NLGN1: variants seen among roughly 807,000 people sequenced by gnomAD.
The protein encoded by NLGN1 is neuroligin 1, also known as neuroligin-1.
NLGN1 carries 12 observed loss-of-function variants against 65.5 expected under a neutral mutation model. That is an observed-to-expected ratio of 0.18 (90% CI 0.12 to 0.30). NLGN1 has a LOEUF of 0.30. Among genes scored for constraint, NLGN1 ranks in the 10% least tolerant of loss-of-function variants. The probability of loss-of-function intolerance (pLI) is 1.00; values close to 1 mark genes in which losing one functional copy is unlikely to be tolerated. For synonymous variants in NLGN1, 350 were observed against 359.5 expected, an observed-to-expected ratio of 0.97 and a Z score of 0.30; for missense variants, 750 against 1,007.1, an observed-to-expected ratio of 0.74 and a Z score of 3.46.
At chr3:173,592,515 G>A (rs1052560856) in intron 2 of NLGN1, among the ~76,000 whole-genome samples, 6 of 152,132 alleles carry the variant, frequency 3.9e-5, no homozygotes, top group African/African-American at 1.4e-4. Context: ...CCTACATGAT[G>A]AGAAATTTCC....
At chr3:173,772,700 C>T (rs1779757009) in intron 3 of NLGN1, among the ~76,000 whole-genome samples, 1 of 152,142 alleles carries the variant, frequency 6.6e-6, no homozygotes, top group East Asian at 1.9e-4. Context: ...TCTTCTCCTT[C>T]AACTTGTTAA....
At chr3:174,058,226 A>G (rs534206305) in intron 4 of NLGN1, among the ~76,000 whole-genome samples, 1 of 151,994 alleles carries the variant, frequency 6.6e-6, no homozygotes, top group Non-Finnish European at 1.5e-5. Context: ...GGCAGTTTTT[A>G]TTTTCACAGT....
chr3:173,531,363 T>A (rs577964859), intron 2 of NLGN1, among the ~76,000 whole-genome samples: 6 of 152,244 alleles, frequency 3.9e-5, no homozygotes, highest in South Asian at 4.1e-4. Context: ...TGCAATTTTT[T>A]AAAATTTTAT....
intron 4 of NLGN1, among the ~76,000 whole-genome samples, chr3:173,965,562 C>T (rs1231496469): frequency 1.3e-5 from 2 of 151,738 alleles, no homozygotes; most frequent in Non-Finnish European, 2.9e-5. Context: ...CCCTGATCCA[C>T]CCGCCTCAGC....
chr3:173,781,417 T>C (rs1385749633), intron 3 of NLGN1, among the ~76,000 whole-genome samples: 2 of 152,214 alleles, frequency 1.3e-5, no homozygotes, highest in Admixed American at 6.5e-5. Flanking sequence ...AACATATGCA[T>C]CTACCTAATT....
rs1553875427 is a variant in NLGN1, at chr3:173,523,925, T to TTG, written c.-320-80353_-320-80352insGT. 1.4e-5 allele frequency among the ~76,000 whole-genome samples: 2 copies of TTG among 146,362 alleles called. 1 individual carries two copies. The highest frequency in any genetic ancestry group is 3.0e-5 in the Non-Finnish European group (2 of 65,734). ...TCTCATATAATTTCTTTCTTTCCTT[T>TTG]TTTTTTTTTTTTTGAGACAGAGTCA... On this transcript the variant is annotated intron_variant, in intron 2 of 6. Transcript: ENST00000457714.
At chr3:173,836,881 C>G (rs1381391474) in intron 4 of NLGN1, among the ~76,000 whole-genome samples, 1 of 152,092 alleles carries the variant, frequency 6.6e-6, no homozygotes, top group Admixed American at 6.6e-5. Flanking sequence ...AGGCCATCAA[C>G]AAAATGATAA....
chr3:173,419,020 C>CTTTTTTT lies in NLGN1; in HGVS notation c.-389-15962_-389-15956dup, dbSNP rs59051811. Reference sequence around the variant, plus strand: ...TCTGTTCTTTAGCTTTCTTCTTCTTCTTTTTTTTTTTTTTTTTTTTTTTTT... The same window carrying CTTTTTTT: ...TCTGTTCTTTAGCTTTCTTCTTCTTCTTTTTTTTTTTTTTTTTTTTTTTTTTTTTTTT... On this transcript the variant is annotated intron_variant, in intron 1 of 6. Transcript: ENST00000457714. 1.6e-3 allele frequency among the ~76,000 whole-genome samples: 19 copies of CTTTTTTT among 12,258 alleles called. 1 individual carries two copies. Among genetic ancestry groups the CTTTTTTT allele is most frequent in the Admixed American group, 2.9e-3 (2 of 686 alleles). 8.0% of individuals were successfully genotyped at this position (12,258 alleles called of 152,430 possible). A position where few individuals can be genotyped will look rare whatever the true frequency, so the allele number is the denominator to read the frequency against.
intron 3 of NLGN1, among the ~76,000 whole-genome samples, chr3:173,724,083 T>C (rs1276118739): frequency 2.0e-5 from 3 of 152,172 alleles, no homozygotes; most frequent in Non-Finnish European, 4.4e-5. Context: ...TTGGACATGA[T>C]ACATGTGAAC....
At chr3:173,401,587 C>G (rs977071391) in intron 1 of NLGN1, among the ~76,000 whole-genome samples, 2 of 152,026 alleles carry the variant, frequency 1.3e-5, no homozygotes, top group African/African-American at 4.8e-5. Flanking sequence ...CTTCCATTCT[C>G]GTATCACTGC....
intron 2 of NLGN1, among the ~76,000 whole-genome samples, chr3:173,518,299 T>C (rs1734183244): frequency 6.6e-6 from 1 of 152,046 alleles, no homozygotes; most frequent in Non-Finnish European, 1.5e-5. Flanking sequence ...TTTTTCTTTT[T>C]GGTAAACAGT....
intron 3 of NLGN1, among the ~76,000 whole-genome samples, chr3:173,619,908 A>G (rs1753714634): frequency 6.6e-6 from 1 of 152,214 alleles, no homozygotes; most frequent in Non-Finnish European, 1.5e-5. Flanking sequence ...AACAAGAGGA[A>G]GTGGCCCATC....
At chr3:173,721,787 C>G (rs1290439327) in intron 3 of NLGN1, among the ~76,000 whole-genome samples, 2 of 152,150 alleles carry the variant, frequency 1.3e-5, no homozygotes, top group African/African-American at 4.8e-5. Flanking sequence ...AGTACAGCCA[C>G]TAGCACATGA....
rs2152354455 is a variant in NLGN1, at chr3:173,964,448, G to A, written c.646+156616G>A. On this transcript the variant is annotated intron_variant, in intron 4 of 6. Transcript: ENST00000457714. ...CAGATAATAACTACATAGGGACAGA[G>A]GCAAGACCGGGATTTTGTTCTGATT... 3.9e-5 allele frequency among the ~76,000 whole-genome samples: 6 copies of A among 152,234 alleles called. No homozygotes were observed. In the Middle Eastern group the frequency reaches 0.01, roughly 259 times the overall value.
chr3:173,581,861 G>A (rs957381423), intron 2 of NLGN1, among the ~76,000 whole-genome samples: 2 of 151,730 alleles, frequency 1.3e-5, no homozygotes, highest in African/African-American at 4.8e-5. Context: ...TAGTAATATT[G>A]TAAACACCCA....
At chr3:173,472,470 G>T (rs1029822140) in intron 2 of NLGN1, among the ~76,000 whole-genome samples, 18 of 151,954 alleles carry the variant, frequency 1.2e-4, no homozygotes, top group Non-Finnish European at 2.4e-4. Flanking sequence ...AGTACAATTT[G>T]CAGAGTTAGA....
chr3:174,225,168 C>G (rs1739389049), intron 4 of NLGN1, among the ~76,000 whole-genome samples: 1 of 152,068 alleles, frequency 6.6e-6, no homozygotes, highest in African/African-American at 2.4e-5. Context: ...ATCCCAATAC[C>G]AAAGTTTTTA....
In NLGN1 at chr3:173,724,396, C is replaced by T. The variant is rs142628945; in HGVS notation, c.494-83284C>T. The stretch of plus-strand genomic sequence containing the variant: ...GTTCAAGTGATTCTCCTGCCTCAGC[C>T]TCCTGAGTAGCTGAGATTACAGGCA... On this transcript the variant is annotated intron_variant, in intron 3 of 6. Coordinates refer to ENST00000457714, the Ensembl canonical transcript of NLGN1. The T allele has an allele frequency of 3.0e-3, 486 of 161,066 alleles. 2 individuals are homozygous for T. The highest frequency in any genetic ancestry group is 4.2e-3 in the Non-Finnish European group (305 of 71,948). 10.0% of individuals were successfully genotyped at this position (161,066 alleles called of 1,614,324 possible). A position where few individuals can be genotyped will look rare whatever the true frequency, so the allele number is the denominator to read the frequency against.
chr3:173,879,257 A>G (rs1732775196), intron 4 of NLGN1, among the ~76,000 whole-genome samples: 1 of 151,906 alleles, frequency 6.6e-6, no homozygotes, highest in African/African-American at 2.4e-5. Flanking sequence ...GAAAGAAAGA[A>G]AAAAATGTTT....
Sources: allele counts gnomAD v4.1 joint callset (sites outside exome capture counted in the v4.1 genomes callset), GRCh38; gene constraint gnomAD v4.1.1; transcripts MANE v1.5; gene names NCBI Gene and HGNC (gene_info 2026-07-23, HGNC 2026-07-21).